The following DLGAP2 variants were observed in gnomAD, a reference collection of about 807,000 sequenced individuals.
DLGAP2 encodes disks large-associated protein 2.
DLGAP2 carries 26 observed loss-of-function variants against 100.3 expected under a neutral mutation model. The ratio of observed to expected loss-of-function variants is 0.26; its 90% confidence interval spans 0.19 to 0.36. The LOEUF (loss-of-function observed/expected upper bound fraction) is 0.36. Ranked by LOEUF, DLGAP2 falls within the 10% of genes least tolerant of loss-of-function variation. DLGAP2 has a pLI of 1.00. For synonymous variants in DLGAP2, 886 were observed against 630.1 expected (o/e 1.41, Z -6.08); for missense variants, 1,858 against 1,453.2 (o/e 1.28, Z -4.53).
At chr8:1,464,397 G>A (rs1429552429) in intron 3 of DLGAP2, among the ~76,000 whole-genome samples, 1 of 33,546 alleles carries the variant, frequency 3.0e-5, no homozygotes, top group Non-Finnish European at 5.3e-5. Flanking sequence ...TTCCGGAATG[G>A]CATCCTTCCA....
chr8:1,626,262 C>G (rs1797494393), intron 6 of DLGAP2, among the ~76,000 whole-genome samples: 5 of 127,008 alleles, frequency 3.9e-5, no homozygotes, highest in Admixed American at 3.9e-4. Context: ...TGCTCACCCT[C>G]TGGGTGTGGG....
chr8:1,636,502 T>C lies in DLGAP2; in HGVS notation c.1810+3456T>C, dbSNP rs558594775. Reference sequence around the variant, plus strand: ...TTGAATATAAGAGGTAGAATAACTGTTTTTCAATACTATGATTTTTGTTGC... The same window carrying C: ...TTGAATATAAGAGGTAGAATAACTGCTTTTCAATACTATGATTTTTGTTGC... On this transcript the variant is annotated intron_variant, in intron 8 of 14. Coordinates refer to ENST00000637795, the MANE Select transcript of DLGAP2 (RefSeq NM_001346810.2). 2.6e-3 allele frequency among the ~76,000 whole-genome samples: 397 copies of C among 152,336 alleles called. 4 individuals are homozygous for C. The highest frequency in any genetic ancestry group is 9.0e-3 in the African/African-American group (375 of 41,574).
chr8:977,799 G>A lies in DLGAP2; in HGVS notation c.73+69833G>A, dbSNP rs1253304176. 1.1e-3 allele frequency among the ~76,000 whole-genome samples: 110 copies of A among 96,510 alleles called. 1 individual carries two copies. The highest frequency in any genetic ancestry group is 3.0e-3 in the African/African-American group (87 of 29,054). 63.3% of individuals were successfully genotyped at this position (96,510 alleles called of 152,430 possible). On this transcript the variant is annotated intron_variant, in intron 2 of 14. Coordinates refer to ENST00000637795, the MANE Select transcript of DLGAP2 (RefSeq NM_001346810.2). ...GGGAGGGCGTCGGGGATGCAGTGAGGTGCTGGGTTCTGGTCTTTGGTGTTG... is the reference window on the plus strand; with the variant it reads ...GGGAGGGCGTCGGGGATGCAGTGAGATGCTGGGTTCTGGTCTTTGGTGTTG...
chr8:1,305,545 C>G (rs191442109), intron 3 of DLGAP2, among the ~76,000 whole-genome samples: 16 of 152,262 alleles, frequency 1.1e-4, no homozygotes, highest in Admixed American at 5.2e-4. Context: ...GCAGGGTGCT[C>G]ATCTGTGCTT....
intron 8 of DLGAP2, among the ~76,000 whole-genome samples, chr8:1,661,037 T>C (rs1321997865): frequency 2.0e-5 from 3 of 152,014 alleles, no homozygotes; most frequent in Non-Finnish European, 4.4e-5. Flanking sequence ...CTGGCAAGGG[T>C]TGGGGGAGGC....
intron 3 of DLGAP2, among the ~76,000 whole-genome samples, chr8:1,430,121 T>C (rs2129981865): frequency 6.7e-6 from 1 of 148,570 alleles, no homozygotes; most frequent in East Asian, 2.0e-4. Context: ...CATTTTGCCT[T>C]TTAGGATAAT....
chr8:976,348 A>C (rs1800162556), intron 2 of DLGAP2, among the ~76,000 whole-genome samples: 1 of 152,132 alleles, frequency 6.6e-6, no homozygotes, highest in Non-Finnish European at 1.5e-5. Flanking sequence ...GTGATGGTTC[A>C]AGCGTGTAAT....
chr8:953,513 T>C (rs1289351278), intron 2 of DLGAP2, among the ~76,000 whole-genome samples: 1 of 152,226 alleles, frequency 6.6e-6, no homozygotes, highest in Admixed American at 6.5e-5. Flanking sequence ...ATTTCTAATT[T>C]TTGCTTGGAA....
chr8:1,351,868 G>C lies in DLGAP2; in HGVS notation c.106+92985G>C, dbSNP rs1205212891. On this transcript the variant is annotated intron_variant, in intron 3 of 14. Coordinates refer to ENST00000637795, the MANE Select transcript of DLGAP2 (RefSeq NM_001346810.2). ...TGAGTGTGCGTGGAAAGGCCGTGCA[G>C]GTCCTGACTGTGTTTGGAAAGGCCG... Among the ~76,000 whole-genome samples the C allele has an allele frequency of 1.4e-4, 13 of 95,068 alleles. 2 individuals carry two copies. Among genetic ancestry groups the C allele is most frequent in the African/African-American group, 4.6e-4 (13 of 28,198 alleles). The allele number at this position is 95,068 out of a possible 152,430, so 62.4% of individuals were successfully genotyped here.
intron 3 of DLGAP2, among the ~76,000 whole-genome samples, chr8:1,411,495 C>T (rs1796729976): frequency 6.6e-6 from 1 of 152,192 alleles, no homozygotes. Flanking sequence ...CCTCCGGCTC[C>T]CTAGCCTGGT....
intron 2 of DLGAP2, among the ~76,000 whole-genome samples, chr8:1,185,875 C>T (rs1322045936): frequency 3.9e-5 from 6 of 152,120 alleles, no homozygotes; most frequent in Non-Finnish European, 8.8e-5. Context: ...CCAACTTGCC[C>T]CACAGAGAAC....
chr8:1,084,229 T>C (rs1021672552), intron 2 of DLGAP2, among the ~76,000 whole-genome samples: 1 of 152,254 alleles, frequency 6.6e-6, no homozygotes. Flanking sequence ...CCTTGTGTTT[T>C]TTAAAATGTA....
intron 1 of DLGAP2, among the ~76,000 whole-genome samples, chr8:880,808 C>T (rs560849332): frequency 2.0e-5 from 3 of 152,256 alleles, no homozygotes; most frequent in Admixed American, 6.5e-5. Flanking sequence ...AACTCCTGCT[C>T]GTTCATGGAC....
intron 6 of DLGAP2, among the ~76,000 whole-genome samples, chr8:1,569,583 G>A (rs767660809): frequency 9.9e-5 from 15 of 152,266 alleles, no homozygotes; most frequent in Admixed American, 2.0e-4. Context: ...ATTCCTTCAC[G>A]TTTTATGGAT....
At chr8:855,999 G>A (rs148044559) in intron 1 of DLGAP2, among the ~76,000 whole-genome samples, 234 of 152,214 alleles carry the variant, frequency 1.5e-3, no homozygotes, top group Non-Finnish European at 2.5e-3. Context: ...ATGAGGAAGC[G>A]TAGCCTCTCA....
At chr8:1,049,643 C>G (rs1461731297) in intron 2 of DLGAP2, among the ~76,000 whole-genome samples, 1 of 151,990 alleles carries the variant, frequency 6.6e-6, no homozygotes, top group Admixed American at 6.5e-5. Flanking sequence ...GATTTACTTT[C>G]AGGACACACA....
At chr8:1,370,208 G>C (rs748950415) in intron 3 of DLGAP2, among the ~76,000 whole-genome samples, 19 of 152,236 alleles carry the variant, frequency 1.2e-4, no homozygotes, top group Non-Finnish European at 2.5e-4. Flanking sequence ...GCCCTTCAGA[G>C]TGGCCGACTC....
chr8:1,144,982 A>T (rs68112293), intron 2 of DLGAP2, among the ~76,000 whole-genome samples: 50,932 of 134,762 alleles, frequency 0.38, 9,449 homozygotes, highest in Non-Finnish European at 0.48. Context: ...GTATGAACAG[A>T]CAAACCACAA....
intron 2 of DLGAP2, among the ~76,000 whole-genome samples, chr8:1,216,298 G>A (rs1585160380): frequency 6.6e-6 from 1 of 152,046 alleles, no homozygotes; most frequent in African/African-American, 2.4e-5. Context: ...TCATACAGGG[G>A]CTCTGATATC....
Sources: allele counts gnomAD v4.1 joint callset (sites outside exome capture counted in the v4.1 genomes callset), GRCh38; gene constraint gnomAD v4.1.1; transcripts MANE v1.5; gene names NCBI Gene and HGNC (gene_info 2026-07-23, HGNC 2026-07-21).